Variants in RBFOX3 observed in about 807,000 individuals in gnomAD.
The protein encoded by RBFOX3 is RNA binding protein fox-1 homolog 3.
In RBFOX3, 17 loss-of-function variants were observed where a neutral mutation model predicts 48.7. The ratio of observed to expected loss-of-function variants is 0.35; its 90% CI spans 0.24 to 0.52. The LOEUF is 0.52. Among genes scored for constraint, RBFOX3 ranks in the 20% least tolerant of loss-of-function variants. The pLI is 0.94. For missense variants in RBFOX3, 382 were observed against 497.5 expected (o/e 0.77, Z 2.21); for synonymous variants, 212 against 209.5 (o/e 1.01, Z -0.10).
At chr17:79,182,452 G>A (rs1271454132) in intron 4 of RBFOX3, among the ~76,000 whole-genome samples, 1 of 152,176 alleles carries the variant, frequency 6.6e-6, no homozygotes, top group Non-Finnish European at 1.5e-5. Context: ...GGGGAGACGA[G>A]GGAGTCCCCC....
intron 4 of RBFOX3, among the ~76,000 whole-genome samples, chr17:79,127,375 G>A (rs879367567): frequency 6.6e-6 from 1 of 152,220 alleles, no homozygotes; most frequent in Non-Finnish European, 1.5e-5. Flanking sequence ...GAGACCTGAG[G>A]GAGAAGCAGG....
intron 1 of RBFOX3, among the ~76,000 whole-genome samples, chr17:79,568,741 C>T (rs986746304): frequency 2.6e-5 from 4 of 152,158 alleles, no homozygotes; most frequent in African/African-American, 4.8e-5. Flanking sequence ...TTCCCAGCTC[C>T]GCCCCCATTT....
intron 2 of RBFOX3, among the ~76,000 whole-genome samples, chr17:79,367,138 C>T (rs553490950): frequency 5.9e-5 from 9 of 152,112 alleles, no homozygotes; most frequent in African/African-American, 2.2e-4. Context: ...ATGTCACCTT[C>T]GCAGAGTCGG....
At chr17:79,328,922 G>A (rs2079771456) in intron 2 of RBFOX3, among the ~76,000 whole-genome samples, 1 of 152,198 alleles carries the variant, frequency 6.6e-6, no homozygotes, top group Admixed American at 6.5e-5. Flanking sequence ...GGTCCTGGCA[G>A]CTGCCACACA....
intron 1 of RBFOX3, among the ~76,000 whole-genome samples, chr17:79,588,644 C>A (rs1002291019): frequency 1.3e-5 from 2 of 152,184 alleles, no homozygotes. Context: ...GCACAGCCCT[C>A]CCCCAAGAGA....
At chr17:79,184,967 G>A (rs570089936) in intron 4 of RBFOX3, among the ~76,000 whole-genome samples, 21 of 152,366 alleles carry the variant, frequency 1.4e-4, no homozygotes, top group African/African-American at 4.6e-4. Context: ...GTGGCCTGAG[G>A]GCCATTGAGG....
Position 79,214,803 on chromosome 17 carries a change from A to G in RBFOX3, c.-34+20963T>C, listed in dbSNP as rs1567854501. On this transcript the variant is annotated intron_variant, in intron 4 of 14. Transcript: ENST00000693108. The surrounding 1 kb of genome is among the most constrained non-coding windows in gnomAD (Gnocchi z 4.7). ...GGCTTGTTAAATGCACAGACAGGAT[A>G]TTAGCGTTTAAACAGCTTCTATTAC... 6.6e-6 allele frequency among the ~76,000 whole-genome samples: 1 copy of G among 152,174 alleles called. No homozygotes were observed. The highest frequency in any genetic ancestry group is 1.5e-5 in the Non-Finnish European group (1 of 68,010).
chr17:79,243,353 C>T lies in RBFOX3; in HGVS notation c.-73-7548G>A, dbSNP rs59782792. 4.6e-3 allele frequency among the ~76,000 whole-genome samples: 698 copies of T among 152,218 alleles called. 9 individuals are homozygous for T. The highest frequency in any genetic ancestry group is 0.016 in the African/African-American group (674 of 41,522). On this transcript the variant is annotated intron_variant, in intron 3 of 14. Transcript: ENST00000693108. This position sits in a 1 kb window ranked among gnomAD's most constrained non-coding sequence, Gnocchi z 7.9. ...CCACTGTACTCCTTTTGCTCATTGC[C>T]GGGTCTAACTCCAACCTGCCTCCCA...
the RBFOX3 span, among the ~76,000 whole-genome samples, chr17:79,631,383 C>T: frequency 6.6e-6 from 1 of 152,088 alleles, no homozygotes; most frequent in African/African-American, 2.4e-5. Flanking sequence ...GCAATTCACA[C>T]GGTGCACGGG....
chr17:79,140,123 C>T (rs75747210), intron 4 of RBFOX3, among the ~76,000 whole-genome samples: 51 of 152,348 alleles, frequency 3.3e-4, no homozygotes, highest in African/African-American at 1.1e-3. Context: ...ATGACAGCCT[C>T]GCATGTCATT....
chr17:79,646,098 AC>A, the RBFOX3 span, among the ~76,000 whole-genome samples: 1 of 151,320 alleles, frequency 6.6e-6, no homozygotes, highest in African/African-American at 2.4e-5. Context: ...CTTGTATCTC[AC>A]CCCCAACCCC....
intron 2 of RBFOX3, among the ~76,000 whole-genome samples, chr17:79,397,692 A>G (rs998575095): frequency 1.3e-5 from 2 of 151,390 alleles, no homozygotes; most frequent in African/African-American, 4.8e-5. Flanking sequence ...ACATGGTCCA[A>G]TGGCTGAGAT....
intron 2 of RBFOX3, among the ~76,000 whole-genome samples, chr17:79,439,995 G>A (rs1412476555): frequency 1.3e-5 from 2 of 152,216 alleles, no homozygotes; most frequent in Non-Finnish European, 2.9e-5. Context: ...TCAAGCGGCA[G>A]GGGAGGGGAG....
chr17:79,229,438 A>G (rs2060737185), intron 4 of RBFOX3, among the ~76,000 whole-genome samples: 1 of 151,574 alleles, frequency 6.6e-6, no homozygotes, highest in African/African-American at 2.4e-5. Context: ...GCACATCTGC[A>G]ATCCCAGCTA....
At chr17:79,502,884 T>C (rs1327934446) in intron 1 of RBFOX3, among the ~76,000 whole-genome samples, 1 of 152,102 alleles carries the variant, frequency 6.6e-6, no homozygotes, top group African/African-American at 2.4e-5. Flanking sequence ...CTGGCCAACC[T>C]CCTCCAGCCT....
chr17:79,176,206 G>A (rs1380522325), intron 4 of RBFOX3, among the ~76,000 whole-genome samples: 3 of 152,226 alleles, frequency 2.0e-5, no homozygotes, highest in African/African-American at 7.2e-5. Context: ...AGGGACCCCA[G>A]GGCGAGGGCA....
intron 3 of RBFOX3, among the ~76,000 whole-genome samples, chr17:79,288,708 T>C (rs186754820): frequency 3.4e-4 from 52 of 152,218 alleles, no homozygotes; most frequent in Non-Finnish European, 7.1e-4. Context: ...ACTGGTCTTC[T>C]CACCCCACAG....
chr17:79,373,851 CT>C (rs1568133059), intron 2 of RBFOX3, among the ~76,000 whole-genome samples: 1 of 151,962 alleles, frequency 6.6e-6, no homozygotes, highest in Non-Finnish European at 1.5e-5. Flanking sequence ...GATGAGTTTT[CT>C]TTTTTTGTTT....
intron 2 of RBFOX3, among the ~76,000 whole-genome samples, chr17:79,427,965 G>A (rs2067693386): frequency 6.6e-6 from 1 of 152,214 alleles, no homozygotes; most frequent in Non-Finnish European, 1.5e-5. Context: ...GGGCCTGCTG[G>A]TTACGGCTGG....
Sources: gnomAD v4.1 joint callset for allele counts (sites outside exome capture counted in the v4.1 genomes callset) on GRCh38, gnomAD v4.1.1 for gene constraint, Gnocchi (gnomAD v3.1) non-coding constraint, MANE v1.5 for transcripts, NCBI Gene and HGNC (gene_info 2026-07-23, HGNC 2026-07-21) for gene names.